The following KCNQ5 variants were observed in gnomAD, a reference collection of about 807,000 sequenced individuals.
KCNQ5 encodes the protein potassium voltage-gated channel subfamily KQT member 5.
In KCNQ5, 30 loss-of-function variants were observed where a neutral mutation model predicts 98.2. That is an observed-to-expected ratio of 0.31 (90% CI 0.23 to 0.41). The LOEUF (loss-of-function observed/expected upper bound fraction) is 0.41. KCNQ5 is among the 10% of genes least tolerant of loss of function. The probability of loss-of-function intolerance (pLI) is 1.00; values close to 1 mark genes in which losing one functional copy is unlikely to be tolerated. For missense variants in KCNQ5, 835 were observed against 1,182.5 expected, an observed-to-expected ratio of 0.71 and a Z score of 4.31; for synonymous variants, 458 against 449.4, an observed-to-expected ratio of 1.02 and a Z score of -0.24.
chr6:73,046,896 G>C (rs1038164396), intron 3 of KCNQ5, among the ~76,000 whole-genome samples: 14 of 152,116 alleles, frequency 9.2e-5, no homozygotes, highest in Non-Finnish European at 1.9e-4. Context: ...ACCCGCCTCA[G>C]CGTCCCAAAG....
chr6:72,854,644 T>C (rs1209381921), intron 1 of KCNQ5, among the ~76,000 whole-genome samples: 1 of 151,212 alleles, frequency 6.6e-6, no homozygotes, highest in Non-Finnish European at 1.5e-5. Context: ...ATTCATCTTT[T>C]TTATAATGTC....
At chr6:72,793,238 C>A (rs1037341774) in intron 1 of KCNQ5, among the ~76,000 whole-genome samples, 1 of 152,176 alleles carries the variant, frequency 6.6e-6, no homozygotes, top group African/African-American at 2.4e-5. Flanking sequence ...CTGAATTTTG[C>A]AGAAATGCAG....
At chr6:72,885,997 C>G (rs527981420) in intron 1 of KCNQ5, among the ~76,000 whole-genome samples, 17 of 152,260 alleles carry the variant, frequency 1.1e-4, no homozygotes, top group Non-Finnish European at 1.8e-4. Context: ...TAAGTTCACA[C>G]CTCACATAAG....
intron 1 of KCNQ5, among the ~76,000 whole-genome samples, chr6:72,848,683 T>A (rs1047111894): frequency 2.6e-5 from 4 of 152,082 alleles, no homozygotes; most frequent in African/African-American, 9.7e-5. Context: ...CATATCCACA[T>A]GACTCCACTC....
At chr6:73,074,779 C>A (rs1773454451) in intron 3 of KCNQ5, among the ~76,000 whole-genome samples, 1 of 149,140 alleles carries the variant, frequency 6.7e-6, no homozygotes, top group South Asian at 2.1e-4. Context: ...AACCTTAGAA[C>A]TGAAGAAAAT....
chr6:73,130,437 G>A (rs945152198), intron 9 of KCNQ5, among the ~76,000 whole-genome samples: 8 of 152,154 alleles, frequency 5.3e-5, no homozygotes, highest in African/African-American at 1.4e-4. Flanking sequence ...CTGTGGGACT[G>A]TACCCTAAGA....
intron 1 of KCNQ5, among the ~76,000 whole-genome samples, chr6:72,650,781 G>T (rs992985258): frequency 1.3e-5 from 2 of 152,056 alleles, no homozygotes; most frequent in Non-Finnish European, 2.9e-5. Flanking sequence ...ATACAAAGAA[G>T]AAAGAAATAT....
chr6:73,125,484 G>A (rs747165878), intron 9 of KCNQ5: 1 of 517,480 alleles, frequency 1.9e-6, no homozygotes, highest in Non-Finnish European at 3.9e-6. Context: ...TTGTCACTGT[G>A]TTTCCATAAA....
chr6:72,945,769 A>G (rs1280903131), intron 1 of KCNQ5, among the ~76,000 whole-genome samples: 3 of 152,088 alleles, frequency 2.0e-5, no homozygotes, highest in African/African-American at 7.2e-5. Flanking sequence ...ATATGTATAC[A>G]TTGTGGAATG....
chr6:72,796,927 AG>A (rs1166078600), intron 1 of KCNQ5, among the ~76,000 whole-genome samples: 9 of 152,224 alleles, frequency 5.9e-5, no homozygotes, highest in African/African-American at 2.2e-4. Flanking sequence ...GATTATTCTC[AG>A]GCAGATGAGT....
chr6:72,774,756 A>G (rs1424857403), intron 1 of KCNQ5, among the ~76,000 whole-genome samples: 2 of 152,216 alleles, frequency 1.3e-5, no homozygotes, highest in Non-Finnish European at 2.9e-5. Flanking sequence ...ATTAGTTATC[A>G]GTAAAATAAA....
intron 1 of KCNQ5, among the ~76,000 whole-genome samples, chr6:72,875,276 C>T (rs551273838): frequency 3.9e-5 from 6 of 152,220 alleles, no homozygotes; most frequent in African/African-American, 1.2e-4. Flanking sequence ...TCCTCTATAG[C>T]GATCAATTTA....
chr6:72,981,097 C>T (rs1056189340), intron 1 of KCNQ5, among the ~76,000 whole-genome samples: 8 of 151,982 alleles, frequency 5.3e-5, no homozygotes, highest in South Asian at 2.1e-4. Context: ...CGATATTCCT[C>T]GGGATATTGG....
chr6:72,956,701 C>T (rs1767086949), intron 1 of KCNQ5, among the ~76,000 whole-genome samples: 1 of 151,706 alleles, frequency 6.6e-6, no homozygotes, highest in African/African-American at 2.4e-5. Context: ...CTGCTGTACC[C>T]AGCCTTTGCT....
intron 1 of KCNQ5, among the ~76,000 whole-genome samples, chr6:72,917,861 A>G (rs575656100): frequency 6.6e-6 from 1 of 152,108 alleles, no homozygotes; most frequent in East Asian, 1.9e-4. Flanking sequence ...CCACCCTTCA[A>G]GTTACTATAC....
At chr6:73,144,873 C>T (rs1776859699) in intron 10 of KCNQ5, among the ~76,000 whole-genome samples, 1 of 152,214 alleles carries the variant, frequency 6.6e-6, no homozygotes, top group African/African-American at 2.4e-5. Flanking sequence ...ATCTGAAGGC[C>T]TCTTGAAGTT....
chr6:72,869,310 G>A (rs1408632400), intron 1 of KCNQ5, among the ~76,000 whole-genome samples: 2 of 152,118 alleles, frequency 1.3e-5, no homozygotes, highest in Admixed American at 1.3e-4. Flanking sequence ...GGACATGTGG[G>A]GATCTGAGCT....
At chr6:73,001,746 C>T (rs1429237529) in intron 1 of KCNQ5, among the ~76,000 whole-genome samples, 1 of 152,152 alleles carries the variant, frequency 6.6e-6, no homozygotes, top group Non-Finnish European at 1.5e-5. Flanking sequence ...GTTTGGGGGT[C>T]AGGTAGGTGC....
chr6:73,131,981 C>T (rs1224051291), intron 9 of KCNQ5, among the ~76,000 whole-genome samples: 1 of 152,202 alleles, frequency 6.6e-6, no homozygotes, highest in East Asian at 1.9e-4. Context: ...CCCTGACCAC[C>T]AGTTCATGAT....
Sources: allele counts gnomAD v4.1 joint callset (sites outside exome capture counted in the v4.1 genomes callset), GRCh38; gene constraint gnomAD v4.1.1; transcripts MANE v1.5; gene names NCBI Gene and HGNC (gene_info 2026-07-23, HGNC 2026-07-21).